Variants in AFG3L2 observed in about 807,000 individuals in gnomAD.
The protein encoded by AFG3L2 is AFG3 like matrix AAA peptidase subunit 2, also known as mitochondrial inner membrane m-AAA protease component AFG3L2.
AFG3L2 carries 54 observed loss-of-function variants against 94.5 expected under a neutral mutation model. The observed-to-expected ratio is 0.57, with a 90% CI of 0.46 to 0.72. The LOEUF (loss-of-function observed/expected upper bound fraction) is 0.72, where lower values mean the gene tolerates loss of function less well. Among genes scored for constraint, AFG3L2 ranks in the 30% least tolerant of loss-of-function variants. The probability of loss-of-function intolerance (pLI) is 0.00; values close to 1 mark genes in which losing one functional copy is unlikely to be tolerated. For synonymous variants in AFG3L2, 377 were observed against 365.5 expected (o/e 1.03, Z -0.36); for missense variants, 754 against 994.9 (o/e 0.76, Z 3.26).
intron 9 of AFG3L2, among the ~76,000 whole-genome samples, chr18:12,356,443 C>T (rs1252731425): frequency 1.3e-5 from 2 of 152,204 alleles, no homozygotes; most frequent in African/African-American, 2.4e-5. Context: ...TGAGCCACCG[C>T]GCCCAGCCGT....
At chr18:12,366,275 T>C (rs1349903173) in intron 5 of AFG3L2, among the ~76,000 whole-genome samples, 1 of 152,220 alleles carries the variant, frequency 6.6e-6, no homozygotes, top group East Asian at 1.9e-4. Flanking sequence ...CAGCATCTTA[T>C]TAGATTTGTC....
chr18:12,340,857 T>G (rs1164296864), intron 14 of AFG3L2: 1 of 173,702 alleles, frequency 5.8e-6, no homozygotes, highest in African/African-American at 2.4e-5. Flanking sequence ...CCTCCCAAAC[T>G]GCTGGGATTA....
chr18:12,350,167 T>G (rs918275660), intron 12 of AFG3L2, among the ~76,000 whole-genome samples: 4 of 151,122 alleles, frequency 2.6e-5, no homozygotes, highest in African/African-American at 9.7e-5. Flanking sequence ...TGCACCACCA[T>G]GCCCGGCTAA....
chr18:12,348,514 T>A, intron 12 of AFG3L2, 131 bp from the exon 13 acceptor site: 1 of 748,280 alleles, frequency 1.3e-6, no homozygotes, highest in South Asian at 1.5e-5. Flanking sequence ...TGTGTAAATA[T>A]AATTCTGTTT....
intron 16 of AFG3L2, among the ~76,000 whole-genome samples, chr18:12,333,786 CGGCCACCAAGT>C (rs1907660597): frequency 6.6e-6 from 1 of 152,172 alleles, no homozygotes; most frequent in Admixed American, 6.5e-5. Context: ...CGATTCACAG[CGGCCACCAAGT>C]GCTCGGCAGC....
chr18:12,341,559 G>GT (rs1907953904), intron 14 of AFG3L2: 1 of 152,090 alleles, frequency 6.6e-6, no homozygotes. Flanking sequence ...CTCTTTCCCT[G>GT]TTTTTGAGAT....
At chr18:12,367,500 C>T in intron 3 of AFG3L2, 118 bp from the exon 4 acceptor site, 1 of 940,694 alleles carries the variant, frequency 1.1e-6, no homozygotes, top group South Asian at 1.3e-5. Flanking sequence ...GGCAACTGAT[C>T]AGTTACTAAG....
At chr18:12,346,106 T>C (rs1908126237) in intron 13 of AFG3L2, among the ~76,000 whole-genome samples, 1 of 152,140 alleles carries the variant, frequency 6.6e-6, no homozygotes. Flanking sequence ...GCGCCTCATT[T>C]CCTGTCCCCT....
At chr18:12,331,054 T>C (rs1409248544) in intron 16 of AFG3L2, among the ~76,000 whole-genome samples, 1 of 152,220 alleles carries the variant, frequency 6.6e-6, no homozygotes, top group Non-Finnish European at 1.5e-5. Flanking sequence ...AACGTTTCAG[T>C]CAATGATGGG....
intron 13 of AFG3L2, 154 bp from the exon 14 acceptor site, chr18:12,344,401 GCA>G: frequency 1.5e-6 from 1 of 679,068 alleles, no homozygotes; most frequent in Non-Finnish European, 2.7e-6. Flanking sequence ...AAGGCCAGGC[GCA>G]GTGGCTCATG....
Position 12,358,781 on chromosome 18 carries a change from C to T in AFG3L2, c.915G>A (p.Val305=). The change falls in exon 8 of 17, where the codon GTG becomes GTA. Residue 305 remains valine (V), a synonymous_variant. Coordinates refer to ENST00000269143, the MANE Select transcript of AFG3L2 (RefSeq NM_006796.3). ...TAKVLKDEID[V]KFKDVAGCEE... ...CACAGCCAGCCACATCTTTGAACTT[C>T]ACATCAATTTCATCCTTTAAGACCT... 4 of 1,614,268 alleles carry T rather than the reference C, an allele frequency of 2.5e-6. No individual in the cohort carries two copies. The highest frequency in any genetic ancestry group is 2.5e-6 in the Non-Finnish European group (3 of 1,180,050).
At chr18:12,356,949 A>C in intron 8 of AFG3L2, 118 bp from the exon 9 acceptor site, 2 of 1,001,352 alleles carry the variant, frequency 2.0e-6, no homozygotes, top group Non-Finnish European at 3.0e-6. Context: ...TATATTAAAT[A>C]TTACTTAAAC....
intron 6 of AFG3L2, among the ~76,000 whole-genome samples, chr18:12,360,597 A>G (rs868818879): frequency 6.6e-6 from 1 of 152,216 alleles, no homozygotes; most frequent in Non-Finnish European, 1.5e-5. Context: ...CAACTGGAAC[A>G]GATGCGCCTT....
chr18:12,359,503 C>T (rs577009256), intron 7 of AFG3L2, among the ~76,000 whole-genome samples: 22 of 152,196 alleles, frequency 1.4e-4, no homozygotes, highest in African/African-American at 5.3e-4. Flanking sequence ...CTTTGGGAGG[C>T]GGAGGCAGGT....
At chr18:12,366,833 G>T in intron 5 of AFG3L2, 132 bp downstream of exon 5, 2 of 1,305,290 alleles carry the variant, frequency 1.5e-6, no homozygotes, top group Non-Finnish European at 2.2e-6. Context: ...CTCAGCATTA[G>T]AAAAATCTGA....
chr18:12,356,473 A>ATTTAAAGACCAATTTAAATAGGT (rs1219457022), intron 9 of AFG3L2, among the ~76,000 whole-genome samples: 3 of 152,160 alleles, frequency 2.0e-5, no homozygotes, highest in African/African-American at 7.2e-5. Context: ...AAATTGGTCT[A>ATTTAAAGACCAATTTAAATAGGT]CTATAGGTAG....
At chr18:12,332,141 T>TTG (rs1907553728) in intron 16 of AFG3L2, among the ~76,000 whole-genome samples, 1 of 150,132 alleles carries the variant, frequency 6.7e-6, no homozygotes, top group South Asian at 2.1e-4. Flanking sequence ...TTTTTTTTTT[T>TTG]GAGACAGAGT....
At chr18:12,358,050 A>T (rs1908548085) in intron 8 of AFG3L2, among the ~76,000 whole-genome samples, 1 of 152,216 alleles carries the variant, frequency 6.6e-6, no homozygotes, top group South Asian at 2.1e-4. Flanking sequence ...ATTCCTTTAA[A>T]GTAAAATTTA....
At chr18:12,373,411 G>A (rs1272447574) in intron 1 of AFG3L2, among the ~76,000 whole-genome samples, 1 of 152,184 alleles carries the variant, frequency 6.6e-6, no homozygotes, top group African/African-American at 2.4e-5. Flanking sequence ...CCCCTAAGAA[G>A]CACAGAAACA....
Sources: gnomAD v4.1 joint callset for allele counts (sites outside exome capture counted in the v4.1 genomes callset) on GRCh38, gnomAD v4.1.1 for gene constraint, MANE v1.5 for transcripts, NCBI Gene and HGNC (gene_info 2026-07-23, HGNC 2026-07-21) for gene names.